PDE1A: variants seen among roughly 807,000 people sequenced by gnomAD.
PDE1A encodes dual specificity calcium/calmodulin-dependent 3',5'-cyclic nucleotide phosphodiesterase 1A.
In PDE1A, 35 loss-of-function variants were observed where a neutral mutation model predicts 61.7. That is an observed-to-expected ratio of 0.57 (90% CI 0.43 to 0.75). The LOEUF is 0.75. Among genes scored for constraint, PDE1A ranks in the 30% least tolerant of loss-of-function variants. The pLI, the probability that PDE1A is intolerant of heterozygous loss-of-function variation, is 0.00. For synonymous variants in PDE1A, 232 were observed against 213.2 expected (o/e 1.09, Z -0.77); for missense variants, 597 against 630.6 (o/e 0.95, Z 0.57).
intron 2 of PDE1A, among the ~76,000 whole-genome samples, chr2:182,482,533 T>C (rs1387218167): frequency 6.6e-6 from 1 of 151,616 alleles, no homozygotes; most frequent in African/African-American, 2.4e-5. Flanking sequence ...AAAATAGCTA[T>C]ACAACTGGAT....
the PDE1A span, among the ~76,000 whole-genome samples, chr2:182,642,741 T>C: frequency 6.6e-6 from 1 of 152,246 alleles, no homozygotes; most frequent in South Asian, 2.1e-4. Context: ...GAATTAACTT[T>C]AGAAGTTCTG....
At chr2:182,522,925 C>A (rs1235046012), upstream of PDE1A, 1 of 152,226 alleles carries the variant, frequency 6.6e-6, no homozygotes, top group Non-Finnish European at 1.5e-5. Flanking sequence ...AGGTTTTTTT[C>A]TCTAAATTGA....
the PDE1A span, among the ~76,000 whole-genome samples, chr2:182,624,001 T>A: frequency 6.6e-6 from 1 of 151,116 alleles, no homozygotes; most frequent in African/African-American, 2.4e-5. Context: ...GGCGGGCGCC[T>A]GTAGTCCCAG....
intron 6 of PDE1A, among the ~76,000 whole-genome samples, chr2:182,227,217 G>A (rs977765713): frequency 6.6e-6 from 1 of 152,022 alleles, no homozygotes; most frequent in Non-Finnish European, 1.5e-5. Context: ...GCTAATTTTA[G>A]TATATGAATG....
chr2:182,189,110 A>G (rs1228124576), intron 10 of PDE1A, 50 bp from the exon 11 acceptor site: 1 of 1,173,918 alleles, frequency 8.5e-7, no homozygotes, highest in Admixed American at 1.8e-5. Context: ...AGAAGCTAAA[A>G]TAATGAGCAA....
chr2:182,336,835 C>G (rs1697857520), intron 1 of PDE1A, among the ~76,000 whole-genome samples: 1 of 151,362 alleles, frequency 6.6e-6, no homozygotes, highest in African/African-American at 2.4e-5. Flanking sequence ...GAACAACACA[C>G]AACAGGGCCT....
At chr2:182,395,337 G>T (rs1043488955) in intron 1 of PDE1A, among the ~76,000 whole-genome samples, 1 of 152,100 alleles carries the variant, frequency 6.6e-6, no homozygotes, top group African/African-American at 2.4e-5. Flanking sequence ...CCATTATATC[G>T]ATGACAGTAT....
chr2:182,639,719 A>T, the PDE1A span, among the ~76,000 whole-genome samples: 1 of 152,006 alleles, frequency 6.6e-6, no homozygotes, highest in East Asian at 1.9e-4. Flanking sequence ...TAAAAGAATG[A>T]GAAAATATTA....
chr2:182,661,636 T>A, the PDE1A span, among the ~76,000 whole-genome samples: 1 of 152,100 alleles, frequency 6.6e-6, no homozygotes. Context: ...AAAATTGACA[T>A]TATTATCAGA....
chr2:182,561,296 C>G, the PDE1A span, among the ~76,000 whole-genome samples: 2 of 152,100 alleles, frequency 1.3e-5, no homozygotes, highest in Admixed American at 6.5e-5. Context: ...TTCCCAGCAC[C>G]ATTTATTAAA....
chr2:182,476,904 A>G (rs1429809308), intron 2 of PDE1A, among the ~76,000 whole-genome samples: 2 of 146,550 alleles, frequency 1.4e-5, no homozygotes, highest in Non-Finnish European at 3.0e-5. Context: ...TAAAAAAAAA[A>G]AAAAACTCTG....
downstream of PDE1A, among the ~76,000 whole-genome samples, chr2:182,164,493 G>C (rs540780656): frequency 1.3e-5 from 2 of 152,266 alleles, no homozygotes; most frequent in Non-Finnish European, 2.9e-5. Context: ...TCACCAAAAG[G>C]TGACCTCAGC....
At chr2:182,480,372 G>A (rs1043450151) in intron 2 of PDE1A, among the ~76,000 whole-genome samples, 2 of 151,890 alleles carry the variant, frequency 1.3e-5, no homozygotes, top group African/African-American at 4.8e-5. Context: ...TTAAAGTTCA[G>A]AGAGCCCAGC....
downstream of PDE1A, chr2:182,142,583 C>T (rs1349140104): frequency 6.6e-6 from 1 of 152,078 alleles, no homozygotes. Flanking sequence ...GTATATTCCC[C>T]AGCACAACAA....
At chr2:182,295,057 CTTTTTTTTT>C (rs11420821) in intron 1 of PDE1A, among the ~76,000 whole-genome samples, 7 of 59,370 alleles carry the variant, frequency 1.2e-4, no homozygotes, top group South Asian at 8.5e-4. Context: ...AAAAGGTAAT[CTTTTTTTTT>C]TTTTTTTTTT....
At chr2:182,299,097 T>G (rs1433310988) in intron 1 of PDE1A, among the ~76,000 whole-genome samples, 1 of 151,998 alleles carries the variant, frequency 6.6e-6, no homozygotes, top group Non-Finnish European at 1.5e-5. Context: ...CCCAATATTT[T>G]CGCCGAAATA....
intron 1 of PDE1A, among the ~76,000 whole-genome samples, chr2:182,338,644 C>T (rs1364233833): frequency 1.3e-5 from 2 of 152,070 alleles, no homozygotes; most frequent in East Asian, 3.8e-4. Context: ...CTGCCTCAGC[C>T]TCCCAAGTAG....
chr2:182,673,081 G>T, the PDE1A span, among the ~76,000 whole-genome samples: 3 of 152,158 alleles, frequency 2.0e-5, no homozygotes, highest in African/African-American at 7.2e-5. Context: ...AACAGAAAAA[G>T]GGTCCTCACA....
At chr2:182,705,338 C>T in the PDE1A span, among the ~76,000 whole-genome samples, 1 of 152,114 alleles carries the variant, frequency 6.6e-6, no homozygotes, top group Non-Finnish European at 1.5e-5. Flanking sequence ...AGGAGACAAG[C>T]ATAGTGACAA....
Sources: gnomAD v4.1 joint callset for allele counts (sites outside exome capture counted in the v4.1 genomes callset) on GRCh38, gnomAD v4.1.1 for gene constraint, MANE v1.5 for transcripts, NCBI Gene and HGNC (gene_info 2026-07-23, HGNC 2026-07-21) for gene names.